The following CCNB3 variants were observed in gnomAD, a reference collection of about 807,000 sequenced individuals.
The protein encoded by CCNB3 is cyclin B3.
A neutral mutation model predicts 68.0 loss-of-function variants in CCNB3; 12 were observed. The ratio of observed to expected loss-of-function variants is 0.18; its 90% CI spans 0.11 to 0.29. The LOEUF (loss-of-function observed/expected upper bound fraction) is 0.29. Among genes scored for constraint, CCNB3 ranks in the 10% least tolerant of loss-of-function variants. The pLI, the probability that CCNB3 is intolerant of heterozygous loss-of-function variation, is 1.00. For missense variants in CCNB3, 904 were observed against 993.1 expected (o/e 0.91, Z 1.21); for synonymous variants, 354 against 388.9 (o/e 0.91, Z 1.06).
chrX:50,226,611 A>G (rs1301965683), intron 1 of CCNB3, among the ~76,000 whole-genome samples: 4 of 80,412 alleles, frequency 5.0e-5, no homozygotes, highest in African/African-American at 9.8e-5. Flanking sequence ...ATATATCTAT[A>G]AATATATATA....
intron 1 of CCNB3, among the ~76,000 whole-genome samples, chrX:50,284,304 T>G (rs1329898241): frequency 9.0e-6 from 1 of 111,405 alleles, no homozygotes; most frequent in Non-Finnish European, 1.9e-5. Context: ...TCTTTTTCCC[T>G]AGAAACTATG....
chrX:50,318,373 C>T (rs782569460), intron 8 of CCNB3, among the ~76,000 whole-genome samples: 23 of 110,347 alleles, frequency 2.1e-4, no homozygotes, highest in Non-Finnish European at 5.7e-5. Context: ...ATTAGCCGGG[C>T]ATGGTGGCAG....
chrX:50,323,460 T>G (rs1401032644), intron 8 of CCNB3, among the ~76,000 whole-genome samples: 2 of 109,682 alleles, frequency 1.8e-5, no homozygotes, highest in Non-Finnish European at 3.8e-5. Context: ...GAGATATACC[T>G]AATGTAAATG....
chrX:50,314,393 C>T (rs1157714533), intron 8 of CCNB3, among the ~76,000 whole-genome samples: 1 of 111,189 alleles, frequency 9.0e-6, no homozygotes, highest in Non-Finnish European at 1.9e-5. Context: ...TGAGGGAATA[C>T]TGCTATGAAT....
intron 1 of CCNB3, among the ~76,000 whole-genome samples, chrX:50,281,052 G>C (rs1206298393): frequency 2.7e-5 from 3 of 110,685 alleles, no homozygotes; most frequent in Non-Finnish European, 5.7e-5. Flanking sequence ...GTAGGCCACC[G>C]CGCCTGGCCA....
chrX:50,343,335 TTGG>T lies in CCNB3; in HGVS notation c.3654+999_3654+1001del, dbSNP rs1435837492. Reference sequence around the variant, plus strand: ...GTTACATATGTATACATGTGCCATGTTGGTGTACTGCACCCATTAACTCGTCAT... The same window carrying T: ...GTTACATATGTATACATGTGCCATGTTGTACTGCACCCATTAACTCGTCAT... On this transcript the variant is annotated intron_variant, in intron 9 of 12. Coordinates refer to ENST00000376042, the MANE Select transcript of CCNB3 (RefSeq NM_033031.3). 5.4e-5 allele frequency among the ~76,000 whole-genome samples: 6 copies of T among 111,869 alleles called. 1 individual carries two copies. The highest frequency in any genetic ancestry group is 9.5e-5 in the Admixed American group (1 of 10,542).
intron 1 of CCNB3, among the ~76,000 whole-genome samples, chrX:50,217,661 GTCA>G (rs1935601154): frequency 9.0e-6 from 1 of 111,578 alleles, no homozygotes; most frequent in South Asian, 3.7e-4. Flanking sequence ...AAAATATTGT[GTCA>G]TCTTCTTCTG....
rs1557214106 is a variant in CCNB3, at chrX:50,309,202, A to G, written c.1033A>G (p.Ile345Val). ...ACACACCACTGAGCATGAGATGTCC[A>G]TCTTGAAGAAATCATTGGCCTTGCA... ...EKHTTEHEMS[I>V]LKKSLALQKT... The change falls in exon 6 of 13, where the codon ATC becomes GTC. Residue 345 changes from isoleucine to valine, a missense_variant. Around this residue, in one of 2 missense-constraint regions of CCNB3, gnomAD observed 619 missense variants for 609.8 expected, o/e 1.02. Coordinates refer to ENST00000376042, the MANE Select transcript of CCNB3 (RefSeq NM_033031.3). The G allele has an allele frequency of 8.3e-7, 1 of 1,210,127 alleles. No homozygotes were observed.
intron 1 of CCNB3, among the ~76,000 whole-genome samples, chrX:50,218,502 A>G (rs997508096): frequency 2.7e-4 from 30 of 109,589 alleles, no homozygotes; most frequent in Admixed American, 1.8e-3. Context: ...TCATTTTTCA[A>G]CTCCCAGTTA....
intron 5 of CCNB3, among the ~76,000 whole-genome samples, chrX:50,299,310 C>G (rs1213596393): frequency 4.5e-5 from 5 of 111,150 alleles, no homozygotes; most frequent in Non-Finnish European, 9.4e-5. Context: ...TTGAATGTGT[C>G]CCATAGATTC....
At chrX:50,286,268 A>T (rs921722987) in intron 3 of CCNB3, among the ~76,000 whole-genome samples, 2 of 112,365 alleles carry the variant, frequency 1.8e-5, no homozygotes, top group African/African-American at 6.5e-5. Context: ...GTCTTGGCTT[A>T]ATCAATTAGA....
intron 8 of CCNB3, among the ~76,000 whole-genome samples, chrX:50,328,726 T>A (rs1219622556): frequency 2.7e-5 from 3 of 111,857 alleles, no homozygotes; most frequent in African/African-American, 9.8e-5. Flanking sequence ...CAGCATCAAG[T>A]CCAAAGTCTT....
At chrX:50,316,544 G>A (rs1921733844) in intron 8 of CCNB3, among the ~76,000 whole-genome samples, 1 of 111,853 alleles carries the variant, frequency 8.9e-6, no homozygotes, top group Non-Finnish European at 1.9e-5. Context: ...TTGTGTAACT[G>A]CCACTATGAT....
At chrX:50,205,362 A>C (rs1935338890) in intron 1 of CCNB3, among the ~76,000 whole-genome samples, 1 of 111,772 alleles carries the variant, frequency 8.9e-6, no homozygotes, top group African/African-American at 3.3e-5. Flanking sequence ...GAATCGCTTG[A>C]AACTGGGAGG....
chrX:50,227,805 A>T (rs1416555491), intron 1 of CCNB3, among the ~76,000 whole-genome samples: 1,376 of 66,501 alleles, frequency 0.021, 26 homozygotes, highest in African/African-American at 0.08. Context: ...ATAGAGAATA[A>T]ATATAAATAT....
At chrX:50,329,374 G>C (rs1040944910) in intron 8 of CCNB3, among the ~76,000 whole-genome samples, 3 of 112,909 alleles carry the variant, frequency 2.7e-5, no homozygotes, top group African/African-American at 9.6e-5. Context: ...CTGAAATCTA[G>C]GTGGAGGGTG....
At chrX:50,227,755 AATAT>A (rs1206883859) in intron 1 of CCNB3, among the ~76,000 whole-genome samples, 11 of 85,697 alleles carry the variant, frequency 1.3e-4, no homozygotes, top group Non-Finnish European at 2.2e-4. Flanking sequence ...GTATAGAGAG[AATAT>A]ATATAAATAT....
At chrX:50,331,161 G>A (rs1922577208) in intron 8 of CCNB3, among the ~76,000 whole-genome samples, 1 of 111,426 alleles carries the variant, frequency 9.0e-6, no homozygotes, top group Non-Finnish European at 1.9e-5. Context: ...AGGGCAGCCC[G>A]GGAGTTTGCC....
At chrX:50,321,763 G>C (rs1389095129) in intron 8 of CCNB3, among the ~76,000 whole-genome samples, 2 of 110,502 alleles carry the variant, frequency 1.8e-5, no homozygotes, top group Non-Finnish European at 3.8e-5. Flanking sequence ...GGTTGTTCTT[G>C]CACATTAATT....
Sources: gnomAD v4.1 joint callset for allele counts (sites outside exome capture counted in the v4.1 genomes callset) on GRCh38, gnomAD v4.1.1 for gene constraint, gnomAD v4.1.1 regional missense constraint, MANE v1.5 for transcripts, NCBI Gene and HGNC (gene_info 2026-07-23, HGNC 2026-07-21) for gene names.